The following TNRC6A variants were observed in gnomAD, a reference collection of about 807,000 sequenced individuals.
TNRC6A encodes trinucleotide repeat-containing gene 6A protein.
TNRC6A carries 44 observed loss-of-function variants against 221.2 expected under a neutral mutation model. The ratio of observed to expected loss-of-function variants is 0.20; its 90% CI spans 0.16 to 0.26. The LOEUF is 0.26. Ranked by LOEUF, TNRC6A falls within the 10% of genes least tolerant of loss-of-function variation. TNRC6A has a pLI of 1.00. For synonymous variants in TNRC6A, 847 were observed against 838.5 expected (o/e 1.01, Z -0.18); for missense variants, 2,199 against 2,404.4 (o/e 0.91, Z 1.79).
chr16:24,715,605 C>CTTTTT (rs58843836), intron 2 of TNRC6A, among the ~76,000 whole-genome samples: 1,596 of 127,168 alleles, frequency 0.013, 38 homozygotes, highest in African/African-American at 0.044. Context: ...TGAGTAGTTT[C>CTTTTT]TTTTTTTTTT....
At chr16:24,724,109 T>C (rs959468541) in intron 2 of TNRC6A, among the ~76,000 whole-genome samples, 5 of 152,248 alleles carry the variant, frequency 3.3e-5, no homozygotes, top group African/African-American at 1.2e-4. Context: ...GACATAATTA[T>C]CCATGATTAT....
chr16:24,816,705 G>A, intron 19 of TNRC6A, 111 bp from the exon 20 acceptor site: 1 of 1,265,080 alleles, frequency 7.9e-7, no homozygotes, highest in Non-Finnish European at 1.1e-6. Flanking sequence ...AGTGTAAATT[G>A]GAAAGTATTT....
intron 6 of TNRC6A, 59 bp from the exon 7 acceptor site, chr16:24,793,414 A>G: frequency 7.8e-7 from 1 of 1,290,278 alleles, no homozygotes; most frequent in Non-Finnish European, 1.0e-6. Flanking sequence ...ATTGTCCCTT[A>G]TTCCACTGCA....
In TNRC6A at chr16:24,722,438, T is replaced by C. The variant is rs558346423; in HGVS notation, n.403-28288T>C. Among the ~76,000 whole-genome samples the C allele has an allele frequency of 2.1e-4, 32 of 151,586 alleles. No homozygotes were observed. The East Asian group carries it at 3.3e-3, about 16-fold the overall frequency. ...ATTTATTTATTTATTTACTTATTTATTTATTTATTTATTTTGAAACAGAGT... is the reference window on the plus strand; with the variant it reads ...ATTTATTTATTTATTTACTTATTTACTTATTTATTTATTTTGAAACAGAGT... On this transcript the variant is annotated intron_variant and non_coding_transcript_variant, in intron 2 of 2. Transcript: ENST00000566108.
At chr16:24,704,096 A>G (rs2056044210) in intron 2 of TNRC6A, among the ~76,000 whole-genome samples, 1 of 151,802 alleles carries the variant, frequency 6.6e-6, no homozygotes, top group Non-Finnish European at 1.5e-5. Flanking sequence ...AAAAAAAAAA[A>G]AAAAAATTTT....
At chr16:24,733,773 G>A (rs59305318) in intron 2 of TNRC6A, among the ~76,000 whole-genome samples, 3,639 of 152,320 alleles carry the variant, frequency 0.024, 137 homozygotes, top group African/African-American at 0.081. Context: ...GCGTACTGAT[G>A]TGATAGAATA....
chr16:24,689,653 A>AGGGC (rs1190539906), intron 2 of TNRC6A, among the ~76,000 whole-genome samples: 1 of 152,060 alleles, frequency 6.6e-6, no homozygotes, highest in East Asian at 1.9e-4. Flanking sequence ...AGGCAGATAC[A>AGGGC]AATTGCTGCC....
intron 2 of TNRC6A, among the ~76,000 whole-genome samples, chr16:24,740,052 T>C (rs967356545): frequency 6.6e-6 from 1 of 152,226 alleles, no homozygotes; most frequent in East Asian, 1.9e-4. Flanking sequence ...GAAAAGACTT[T>C]CATCTTGGCA....
At chr16:24,652,792 C>G (rs537443623) in intron 2 of TNRC6A, among the ~76,000 whole-genome samples, 1 of 152,170 alleles carries the variant, frequency 6.6e-6, no homozygotes, top group Non-Finnish European at 1.5e-5. Context: ...ATTAATAGTG[C>G]TAGTTCTCTA....
chr16:24,723,192 A>C (rs2056440142), intron 2 of TNRC6A, among the ~76,000 whole-genome samples: 1 of 152,100 alleles, frequency 6.6e-6, no homozygotes, highest in African/African-American at 2.4e-5. Context: ...GGCTCTTCTC[A>C]TCCTCCACAG....
At chr16:24,708,462 C>T (rs1292228513) in intron 2 of TNRC6A, among the ~76,000 whole-genome samples, 1 of 151,908 alleles carries the variant, frequency 6.6e-6, no homozygotes, top group Non-Finnish European at 1.5e-5. Context: ...AGGATGGTCT[C>T]GATCTCCTGA....
Position 24,695,786 on chromosome 16 carries a change from G to A in TNRC6A, n.402+54777G>A, listed in dbSNP as rs538073272. On this transcript the variant is annotated intron_variant and non_coding_transcript_variant, in intron 2 of 2. Coordinates refer to the TNRC6A transcript ENST00000566108. ...TTCACGGGTGTTTCAAGCAAAACAC[G>A]GGATTGAGTCTTTTCAGCCCTGGTG... 1.6e-4 allele frequency among the ~76,000 whole-genome samples: 24 copies of A among 152,216 alleles called. No individual in the cohort carries two copies. In the South Asian group the frequency reaches 5.0e-3, roughly 32 times the overall value.
intron 7 of TNRC6A, 113 bp from the exon 8 acceptor site, chr16:24,794,431 T>G: frequency 9.6e-7 from 1 of 1,043,854 alleles, no homozygotes; most frequent in East Asian, 2.6e-5. Context: ...GAAATAAGTG[T>G]GCACGTGTGT....
In TNRC6A at chr16:24,790,341, A is replaced by G. The variant is rs1430050939; in HGVS notation, c.1699A>G (p.Thr567Ala). The G allele has an allele frequency of 1.9e-6, 3 of 1,614,108 alleles. No individual in the cohort carries two copies. Among genetic ancestry groups the G allele is most frequent in the East Asian group, 2.2e-5 (1 of 44,898 alleles). The change falls in exon 6 of 25, where the codon ACA becomes GCA. Residue 567 changes from threonine to alanine, a missense_variant. Physicochemically the swap from Thr to Ala is moderately conservative, Grantham distance 58 (BLOSUM62 0). Transcript: ENST00000395799. ...TATGGGCACTAACTTTCAAGTTAAC[A>G]CAAACAAAGGAGGTGGTGTGTGGGA... ...GPMGTNFQVN[T>A]NKGGGVWESG... is the part of the protein sequence containing the mutation.
chr16:24,678,757 C>T (rs763284250), intron 2 of TNRC6A, among the ~76,000 whole-genome samples: 1 of 152,188 alleles, frequency 6.6e-6, no homozygotes, highest in Non-Finnish European at 1.5e-5. Context: ...TCCTGGCCAA[C>T]ACCTGATTGC....
chr16:24,669,968 T>TTTTTTTTTTTTTTTTTTTTG, intron 2 of TNRC6A, among the ~76,000 whole-genome samples: 1 of 116,014 alleles, frequency 8.6e-6, no homozygotes, highest in South Asian at 2.8e-4. Context: ...TTTTTTTTTT[T>TTTTTTTTTTTTTTTTTTTTG]AGACAGAGTC....
Position 24,789,766 on chromosome 16 carries a change from A to G in TNRC6A, c.1124A>G (p.Asn375Ser). The change falls in exon 6 of 25, where the codon AAC becomes AGC. Residue 375 changes from asparagine (N) to serine (S), a missense_variant. Physicochemically the swap from Asn to Ser is conservative, Grantham distance 46. Around this residue, in one of 8 missense-constraint regions of TNRC6A, gnomAD observed 1,405 missense variants for 1,400.2 expected, o/e 1.00. Coordinates refer to ENST00000395799, the MANE Select transcript of TNRC6A (RefSeq NM_014494.4). ...CATGGTGCCTGGCCAGTATTAGAGAACAATGGACTTGCCCTAAAAGGGCCT... is the reference window on the plus strand; with the variant it reads ...CATGGTGCCTGGCCAGTATTAGAGAGCAATGGACTTGCCCTAAAAGGGCCT... ...SNHGAWPVLE[N>S]NGLALKGPVG... 1.2e-6 allele frequency: 2 copies of G among 1,614,198 alleles called. No homozygotes were observed. The highest frequency in any genetic ancestry group is 1.7e-6 in the Non-Finnish European group (2 of 1,180,020).
intron 3 of TNRC6A, among the ~76,000 whole-genome samples, chr16:24,755,433 G>A (rs2057230147): frequency 6.6e-6 from 1 of 152,244 alleles, no homozygotes; most frequent in African/African-American, 2.4e-5. Context: ...AGCAGCAGCT[G>A]ATGTCTGCTG....
intron 2 of TNRC6A, among the ~76,000 whole-genome samples, chr16:24,719,105 T>A (rs2151080937): frequency 6.6e-6 from 1 of 152,144 alleles, no homozygotes; most frequent in African/African-American, 2.4e-5. Context: ...ATTTATTCAT[T>A]TAATAAGTAT....
Sources: gnomAD v4.1 joint callset for allele counts (sites outside exome capture counted in the v4.1 genomes callset) on GRCh38, gnomAD v4.1.1 for gene constraint, gnomAD v4.1.1 regional missense constraint, MANE v1.5 for transcripts, NCBI Gene and HGNC (gene_info 2026-07-23, HGNC 2026-07-21) for gene names.